PCDH9: variants seen among roughly 807,000 people sequenced by gnomAD.
The protein encoded by PCDH9 is protocadherin-9.
Under a neutral mutation model 70.6 loss-of-function variants are expected in PCDH9, and 24 were observed. The observed-to-expected ratio is 0.34, with a 90% CI of 0.25 to 0.48. The LOEUF is 0.48. Ranked by LOEUF, PCDH9 falls within the 20% of genes least tolerant of loss-of-function variation. The pLI, the probability that PCDH9 is intolerant of heterozygous loss-of-function variation, is 0.99. For synonymous variants in PCDH9, 562 were observed against 558.5 expected, an observed-to-expected ratio of 1.01 and a Z score of -0.09; for missense variants, 1,281 against 1,503.6, an observed-to-expected ratio of 0.85 and a Z score of 2.45.
At chr13:66,471,298 A>C (rs1389984479) in intron 4 of PCDH9, among the ~76,000 whole-genome samples, 1 of 152,188 alleles carries the variant, frequency 6.6e-6, no homozygotes, top group Non-Finnish European at 1.5e-5. Flanking sequence ...TGAAATAAGC[A>C]AAAAGACATT....
At chr13:66,442,246 T>G (rs931168380) in intron 4 of PCDH9, among the ~76,000 whole-genome samples, 1 of 152,116 alleles carries the variant, frequency 6.6e-6, no homozygotes, top group African/African-American at 2.4e-5. Context: ...AGTTTAGAGA[T>G]CACTATAGAA....
At chr13:66,349,882 CAAAAG>C (rs1267123553) in intron 4 of PCDH9, among the ~76,000 whole-genome samples, 2 of 152,156 alleles carry the variant, frequency 1.3e-5, no homozygotes, top group African/African-American at 2.4e-5. Context: ...TTTGTATAGT[CAAAAG>C]AAATTTTTGA....
intron 3 of PCDH9, among the ~76,000 whole-genome samples, chr13:66,674,824 G>C (rs1459573041): frequency 6.6e-6 from 1 of 151,876 alleles, no homozygotes; most frequent in Non-Finnish European, 1.5e-5. Context: ...TCCATAAACA[G>C]GTTTCCTATT....
chr13:66,364,062 G>A (rs1956514708), intron 4 of PCDH9, among the ~76,000 whole-genome samples: 1 of 152,008 alleles, frequency 6.6e-6, no homozygotes, highest in Non-Finnish European at 1.5e-5. Flanking sequence ...AGCTGAGGCA[G>A]GAGAATCTCT....
At chr13:66,779,480 CA>C (rs768418036) in intron 3 of PCDH9, among the ~76,000 whole-genome samples, 3 of 152,056 alleles carry the variant, frequency 2.0e-5, no homozygotes, top group Non-Finnish European at 4.4e-5. Flanking sequence ...GTAAGCTAGA[CA>C]GACAAAAAAT....
intron 3 of PCDH9, among the ~76,000 whole-genome samples, chr13:66,720,046 T>C (rs932029773): frequency 1.3e-5 from 2 of 152,236 alleles, no homozygotes; most frequent in East Asian, 3.8e-4. Flanking sequence ...CCAGCTACCA[T>C]GTTTTAGCTC....
chr13:66,738,796 A>AG (rs1481665339), intron 3 of PCDH9, among the ~76,000 whole-genome samples: 2 of 152,124 alleles, frequency 1.3e-5, no homozygotes, highest in Non-Finnish European at 2.9e-5. Context: ...CAGAGAAAAA[A>AG]AATAAAAAGA....
chr13:66,967,780 C>T (rs568767819), intron 2 of PCDH9, among the ~76,000 whole-genome samples: 56 of 152,030 alleles, frequency 3.7e-4, no homozygotes, highest in Middle Eastern at 6.8e-3. Flanking sequence ...TTACATTTAC[C>T]GGATAATTAG....
chr13:67,021,458 G>C (rs1205382446), intron 2 of PCDH9, among the ~76,000 whole-genome samples: 1 of 152,096 alleles, frequency 6.6e-6, no homozygotes, highest in Non-Finnish European at 1.5e-5. Context: ...TTTGATACTA[G>C]AAAAGTATCA....
chr13:66,319,095 A>G (rs182034478), intron 4 of PCDH9, among the ~76,000 whole-genome samples: 47 of 152,302 alleles, frequency 3.1e-4, no homozygotes, highest in Non-Finnish European at 5.4e-4. Context: ...GAAATTCACA[A>G]TCATGGTGGA....
rs75865077 is a variant in PCDH9 at position 66,499,445 on chromosome 13, T to C, written c.3340+131765A>G. On this transcript the variant is annotated intron_variant, in intron 4 of 4. Coordinates refer to ENST00000377865, the MANE Select transcript of PCDH9 (RefSeq NM_203487.3). Reference sequence around the variant, plus strand: ...CAAGATATAAAAAACATTGTTCTGATTAACTAGCTATGTGACCTGCACACT... The same window carrying C: ...CAAGATATAAAAAACATTGTTCTGACTAACTAGCTATGTGACCTGCACACT... 7.0e-3 allele frequency among the ~76,000 whole-genome samples: 1,065 copies of C among 152,256 alleles called. 33 individuals are homozygous for C. In the East Asian group the frequency reaches 0.091, roughly 13 times the overall value.
chr13:66,732,635 C>A (rs2079093024), intron 3 of PCDH9, among the ~76,000 whole-genome samples: 1 of 151,994 alleles, frequency 6.6e-6, no homozygotes, highest in African/African-American at 2.4e-5. Context: ...CCTTTTCTTA[C>A]CTGTGTAAGA....
At chr13:66,810,724 A>C (rs1027244654) in intron 3 of PCDH9, among the ~76,000 whole-genome samples, 1 of 151,906 alleles carries the variant, frequency 6.6e-6, no homozygotes, top group Non-Finnish European at 1.5e-5. Flanking sequence ...AGATGTAAAG[A>C]ATCTTATAAC....
chr13:67,167,244 A>C (rs2088143438), intron 2 of PCDH9, among the ~76,000 whole-genome samples: 1 of 152,168 alleles, frequency 6.6e-6, no homozygotes, highest in African/African-American at 2.4e-5. Context: ...ATAGGCTTTA[A>C]TCTGCATCTG....
intron 4 of PCDH9, among the ~76,000 whole-genome samples, chr13:66,512,396 T>G (rs9540777): frequency 0.96 from 145,323 of 151,728 alleles, 69,931 homozygotes; most frequent in East Asian, 1. Context: ...TAAAATATGT[T>G]TTTCAAACAA....
intron 3 of PCDH9, among the ~76,000 whole-genome samples, chr13:66,877,331 A>G (rs2081832729): frequency 1.3e-5 from 2 of 151,422 alleles, no homozygotes; most frequent in Admixed American, 6.6e-5. Flanking sequence ...AATTTAAAAT[A>G]TATATATAAT....
chr13:66,635,349 A>G (rs944617087), intron 3 of PCDH9, among the ~76,000 whole-genome samples: 1 of 152,184 alleles, frequency 6.6e-6, no homozygotes, highest in Non-Finnish European at 1.5e-5. Context: ...TTGAGAAAGA[A>G]TAGGATGAAA....
intron 3 of PCDH9, among the ~76,000 whole-genome samples, chr13:66,644,307 C>G (rs565267174): frequency 6.8e-6 from 1 of 147,084 alleles, no homozygotes; most frequent in South Asian, 2.2e-4. Context: ...ACTGGCTCAT[C>G]ATATGTAACA....
intron 4 of PCDH9, among the ~76,000 whole-genome samples, chr13:66,355,171 A>T (rs555250813): frequency 6.6e-6 from 1 of 152,100 alleles, no homozygotes; most frequent in African/African-American, 2.4e-5. Flanking sequence ...AGCCAAGTAG[A>T]TACTGTTTTT....
Sources: allele counts gnomAD v4.1 joint callset (sites outside exome capture counted in the v4.1 genomes callset), GRCh38; gene constraint gnomAD v4.1.1; transcripts MANE v1.5; gene names NCBI Gene and HGNC (gene_info 2026-07-23, HGNC 2026-07-21).